Variants in RNF121 observed in about 807,000 individuals in gnomAD.
RNF121 encodes the protein E3 ubiquitin ligase RNF121.
RNF121 carries 21 observed loss-of-function variants against 46.5 expected under a neutral mutation model. The ratio of observed to expected loss-of-function variants is 0.45; its 90% confidence interval spans 0.32 to 0.65. The LOEUF is 0.65. Ranked by LOEUF, RNF121 falls within the 30% of genes least tolerant of loss-of-function variation. RNF121 has a pLI of 0.04. For synonymous variants in RNF121, 139 were observed against 144.7 expected (o/e 0.96, Z 0.28); for missense variants, 346 against 416.0 (o/e 0.83, Z 1.46).
intron 4 of RNF121, 157 bp downstream of exon 4, chr11:71,983,072 C>T: frequency 2.0e-6 from 1 of 510,826 alleles, no homozygotes; most frequent in Non-Finnish European, 3.2e-6. Flanking sequence ...TGGTAGAACC[C>T]CTCCCCTATT....
At chr11:71,976,637 C>A (rs574619132) in intron 3 of RNF121, among the ~76,000 whole-genome samples, 1 of 152,062 alleles carries the variant, frequency 6.6e-6, no homozygotes, top group Non-Finnish European at 1.5e-5. Flanking sequence ...GGGTTACAGG[C>A]GTGAGCCACG....
At chr11:71,989,147 C>T (rs1954822095) in intron 5 of RNF121, among the ~76,000 whole-genome samples, 1 of 152,096 alleles carries the variant, frequency 6.6e-6, no homozygotes. Context: ...TGCAGTGGCT[C>T]ACTGCAACCT....
At chr11:71,969,814 A>T (rs1954379976) in intron 3 of RNF121, among the ~76,000 whole-genome samples, 1 of 152,024 alleles carries the variant, frequency 6.6e-6, no homozygotes, top group Non-Finnish European at 1.5e-5. Context: ...CAGTCCTCCC[A>T]CCTTGGCCTC....
In RNF121 at chr11:71,997,399, G is replaced by C. The variant is rs1291444722; in HGVS notation, c.*1084G>C. On this transcript the variant is annotated 3_prime_UTR_variant, in exon 9 of 9. Transcript: ENST00000361756. ...TGGTGGGTGGGTGAGAACAGGTTCT[G>C]AGAGGGGGCTTCTAGGAAGGCCCCA... The C allele has an allele frequency of 6.6e-6, 1 of 152,146 alleles. No homozygotes were observed. Among genetic ancestry groups the C allele is most frequent in the Non-Finnish European group, 1.5e-5 (1 of 68,018 alleles). The allele number at this position is 152,146 out of a possible 1,614,324, so 9.4% of individuals were successfully genotyped here.
chr11:71,945,631 G>C (rs1353300642), intron 1 of RNF121, among the ~76,000 whole-genome samples: 1 of 152,148 alleles, frequency 6.6e-6, no homozygotes, highest in Non-Finnish European at 1.5e-5. Context: ...CAGTATACCA[G>C]ATTATGAGCT....
intron 7 of RNF121, 72 bp downstream of exon 7, chr11:71,994,924 G>T: frequency 6.3e-7 from 1 of 1,599,902 alleles, no homozygotes; most frequent in South Asian, 1.1e-5. Context: ...GAGAAAGAGG[G>T]TGGTCATGAC....
chr11:71,955,295 G>A (rs905624800), intron 1 of RNF121, among the ~76,000 whole-genome samples: 11 of 152,140 alleles, frequency 7.2e-5, no homozygotes, highest in Non-Finnish European at 1.3e-4. Flanking sequence ...GACTAACATA[G>A]AACAGTGCTT....
intron 3 of RNF121, among the ~76,000 whole-genome samples, chr11:71,981,689 G>C (rs1954663532): frequency 6.6e-6 from 1 of 152,158 alleles, no homozygotes; most frequent in Admixed American, 6.6e-5. Flanking sequence ...CTCTGAAGGA[G>C]GGAGAGTAAA....
chr11:71,936,866 C>T (rs1953427308), intron 1 of RNF121, among the ~76,000 whole-genome samples: 1 of 152,104 alleles, frequency 6.6e-6, no homozygotes. Flanking sequence ...TTGTACATTC[C>T]TCAGTGCCTT....
At chr11:71,970,965 T>G (rs980410875) in intron 3 of RNF121, among the ~76,000 whole-genome samples, 5 of 152,192 alleles carry the variant, frequency 3.3e-5, no homozygotes, top group African/African-American at 9.6e-5. Flanking sequence ...TTAAGTAGAT[T>G]AGTTGAGAAA....
At chr11:71,969,589 G>A (rs574277687) in intron 3 of RNF121, among the ~76,000 whole-genome samples, 1 of 152,090 alleles carries the variant, frequency 6.6e-6, no homozygotes, top group Non-Finnish European at 1.5e-5. Flanking sequence ...TTGAGACAGG[G>A]TCTTTCTCTG....
At chr11:71,944,446 C>T (rs1253039532) in intron 1 of RNF121, among the ~76,000 whole-genome samples, 1 of 152,166 alleles carries the variant, frequency 6.6e-6, no homozygotes, top group East Asian at 1.9e-4. Flanking sequence ...TTGCCTTAAT[C>T]CAGGCAAGTA....
chr11:71,977,638 A>T (rs191476855), intron 3 of RNF121, among the ~76,000 whole-genome samples: 2 of 152,304 alleles, frequency 1.3e-5, no homozygotes, highest in East Asian at 3.9e-4. Flanking sequence ...GTATTTGCAC[A>T]TTCAGGGAGA....
At chr11:71,986,246 C>T (rs760280940) in intron 4 of RNF121, among the ~76,000 whole-genome samples, 9 of 152,180 alleles carry the variant, frequency 5.9e-5, no homozygotes, top group South Asian at 2.1e-4. Context: ...TCAGACTAAC[C>T]GGGCCCAGGT....
intron 3 of RNF121, among the ~76,000 whole-genome samples, chr11:71,972,542 C>T (rs995022921): frequency 2.0e-5 from 3 of 151,866 alleles, no homozygotes; most frequent in Non-Finnish European, 2.9e-5. Flanking sequence ...TCTCCTAGAC[C>T]AAGGTTTCTC....
chr11:71,991,779 T>G (rs1159938286), intron 6 of RNF121, among the ~76,000 whole-genome samples: 2 of 152,012 alleles, frequency 1.3e-5, no homozygotes, highest in Non-Finnish European at 2.9e-5. Context: ...GTGACTAGAC[T>G]AGAAAAAAGC....
At chr11:71,935,352 T>C (rs1953381019) in intron 1 of RNF121, among the ~76,000 whole-genome samples, 1 of 152,256 alleles carries the variant, frequency 6.6e-6, no homozygotes, top group Admixed American at 6.5e-5. Context: ...CCCAATGTTA[T>C]ACAGCCAGGT....
chr11:71,960,834 G>A lies in RNF121; in HGVS notation c.186G>A (p.Leu62=). ...AEMVLILIAT[L]VVAQLLLVQW... ...TGGTCCTCATCCTCATCGCAACCTT[G>A]GTGGTGGCCCAGCTGCTCCTGGTGC... The change falls in exon 3 of 9, where the codon TTG becomes TTA. Residue 62 remains leucine (L), a synonymous_variant. Coordinates refer to ENST00000361756, the MANE Select transcript of RNF121 (RefSeq NM_018320.5). 6.2e-7 allele frequency: 1 copy of A among 1,614,110 alleles called. No individual in the cohort carries two copies. The highest frequency in any genetic ancestry group is 2.2e-5 in the East Asian group (1 of 44,888).
At chr11:71,982,335 C>CAAAAAACAA (rs540191532) in intron 3 of RNF121, among the ~76,000 whole-genome samples, 2 of 79,114 alleles carry the variant, frequency 2.5e-5, no homozygotes, top group African/African-American at 1.0e-4. Context: ...GACTCCATCT[C>CAAAAAACAA]AAAAAAAAAA....
Sources: gnomAD v4.1 joint callset for allele counts (sites outside exome capture counted in the v4.1 genomes callset) on GRCh38, gnomAD v4.1.1 for gene constraint, MANE v1.5 for transcripts, NCBI Gene and HGNC (gene_info 2026-07-23, HGNC 2026-07-21) for gene names.